SAMD5: variants seen among roughly 807,000 people sequenced by gnomAD.
SAMD5 encodes the protein sterile alpha motif domain containing 5.
Under a neutral mutation model 11.3 loss-of-function variants are expected in SAMD5, and 13 were observed. That is an observed-to-expected ratio of 1.15 (90% CI 0.75 to 1.83). The LOEUF is 1.83. SAMD5 is among the 40% of genes most tolerant of loss of function. The pLI is 0.00. For missense variants in SAMD5, 255 were observed against 239.1 expected (o/e 1.07, Z -0.44); for synonymous variants, 129 against 111.3 (o/e 1.16, Z -1.00).
the SAMD5 span, among the ~76,000 whole-genome samples, chr6:147,923,948 A>T: frequency 6.6e-6 from 1 of 152,206 alleles, no homozygotes; most frequent in East Asian, 1.9e-4. Flanking sequence ...GTTTGACTGA[A>T]TCTTCTCTAT....
chr6:147,709,981 A>G (rs781648193), intron 1 of SAMD5, among the ~76,000 whole-genome samples: 1 of 152,170 alleles, frequency 6.6e-6, no homozygotes, highest in African/African-American at 2.4e-5. Flanking sequence ...TCAATCCCTC[A>G]GTGAGGTCTA....
intron 1 of SAMD5, among the ~76,000 whole-genome samples, chr6:147,651,793 G>T (rs1012111675): frequency 6.6e-6 from 1 of 152,220 alleles, no homozygotes; most frequent in Admixed American, 6.5e-5. Flanking sequence ...ATCAGAGCAA[G>T]AATTATCAGA....
At chr6:147,524,643 T>TTC (rs1175731952) in intron 1 of SAMD5, among the ~76,000 whole-genome samples, 1 of 152,112 alleles carries the variant, frequency 6.6e-6, no homozygotes, top group African/African-American at 2.4e-5. Context: ...ACCTACCTCC[T>TTC]TCTCCCTGTG....
At chr6:147,676,440 A>T (rs556677561) in intron 1 of SAMD5, among the ~76,000 whole-genome samples, 5 of 152,318 alleles carry the variant, frequency 3.3e-5, no homozygotes, top group South Asian at 2.1e-4. Context: ...CCCAACTCTC[A>T]GCACTCATTA....
At chr6:147,859,552 G>C in the SAMD5 span, among the ~76,000 whole-genome samples, 1 of 152,132 alleles carries the variant, frequency 6.6e-6, no homozygotes, top group African/African-American at 2.4e-5. Flanking sequence ...AACATTAGTG[G>C]CTAAAAGATA....
rs1018699892 is a variant in SAMD5 at position 147,566,447 on chromosome 6, T to A, written c.*1991T>A. 2 of 985,138 alleles carry A rather than the reference T, an allele frequency of 2.0e-6. No individual in the cohort carries two copies. Among genetic ancestry groups the A allele is most frequent in the Non-Finnish European group, 2.4e-6 (2 of 829,362 alleles). The allele number at this position is 985,138 out of a possible 1,614,324, so 61.0% of individuals were successfully genotyped here. A position where few individuals can be genotyped will look rare whatever the true frequency, so the allele number is the denominator to read the frequency against. On this transcript the variant is annotated 3_prime_UTR_variant, in exon 2 of 2. Transcript: ENST00000367474. Reference sequence around the variant, plus strand: ...GGTGTCGCATCCGTGGCTGATTTATTTCACAGATGTACATTTGCATGTACT... The same window carrying A: ...GGTGTCGCATCCGTGGCTGATTTATATCACAGATGTACATTTGCATGTACT...
the SAMD5 span, among the ~76,000 whole-genome samples, chr6:147,950,821 A>G: frequency 6.6e-6 from 1 of 152,122 alleles, no homozygotes; most frequent in Non-Finnish European, 1.5e-5. Flanking sequence ...GCTCTCAGCC[A>G]AATTTCACAA....
the SAMD5 span, among the ~76,000 whole-genome samples, chr6:147,928,524 AT>A: frequency 6.6e-6 from 1 of 151,772 alleles, no homozygotes; most frequent in Non-Finnish European, 1.5e-5. Context: ...CTTCTTTGTC[AT>A]TTCTATTTGT....
chr6:147,792,854 G>A, the SAMD5 span, among the ~76,000 whole-genome samples: 1 of 152,078 alleles, frequency 6.6e-6, no homozygotes, highest in African/African-American at 2.4e-5. Context: ...ATTTGAATAA[G>A]AAAATAAAGT....
chr6:147,576,928 A>G (rs1208653381), intron 1 of SAMD5, among the ~76,000 whole-genome samples: 1 of 152,214 alleles, frequency 6.6e-6, no homozygotes, highest in South Asian at 2.1e-4. Context: ...AGCCTTACAG[A>G]TTCTAAGAGG....
At chr6:147,869,473 G>C in the SAMD5 span, among the ~76,000 whole-genome samples, 786 of 152,290 alleles carry the variant, frequency 5.2e-3, 3 homozygotes, top group Non-Finnish European at 9.1e-3. Flanking sequence ...GAATGGAATG[G>C]GGGAAAATGG....
At chr6:147,617,803 T>C (rs1789895071) in intron 1 of SAMD5, among the ~76,000 whole-genome samples, 1 of 152,230 alleles carries the variant, frequency 6.6e-6, no homozygotes, top group Non-Finnish European at 1.5e-5. Flanking sequence ...TGTCTGTGAC[T>C]GACAGATGCC....
At chr6:147,685,036 G>A (rs1196169992) in intron 1 of SAMD5, among the ~76,000 whole-genome samples, 1 of 152,130 alleles carries the variant, frequency 6.6e-6, no homozygotes, top group East Asian at 1.9e-4. Context: ...GATAGGGCTT[G>A]CCTTCTCATT....
At chr6:147,548,158 A>G (rs1395869483) in intron 1 of SAMD5, among the ~76,000 whole-genome samples, 1 of 152,256 alleles carries the variant, frequency 6.6e-6, no homozygotes, top group Non-Finnish European at 1.5e-5. Flanking sequence ...GGGAGTGGGA[A>G]GTAGAGAGAC....
chr6:147,786,698 C>T, the SAMD5 span, among the ~76,000 whole-genome samples: 1,840 of 152,306 alleles, frequency 0.012, 17 homozygotes, highest in Non-Finnish European at 0.019. Flanking sequence ...TCCTAAATTA[C>T]AGGAGTTGGG....
chr6:147,778,163 G>T, the SAMD5 span, among the ~76,000 whole-genome samples: 1 of 152,314 alleles, frequency 6.6e-6, no homozygotes, highest in East Asian at 1.9e-4. Context: ...CCCAGAGGGT[G>T]TGGGGTTCTC....
At chr6:147,746,213 T>G in the SAMD5 span, among the ~76,000 whole-genome samples, 1 of 152,144 alleles carries the variant, frequency 6.6e-6, no homozygotes, top group East Asian at 1.9e-4. Context: ...AGAATGAATG[T>G]TTAGAACTGT....
rs1040252441 is a variant in SAMD5 at position 147,567,170 on chromosome 6, C to A, written c.*2714C>A. The stretch of plus-strand genomic sequence containing the variant: ...AAGATTTTATTCACATAAAAGATTT[C>A]TTGGCATAGGGAAGGCGTAATGTTA... On this transcript the variant is annotated 3_prime_UTR_variant, in exon 2 of 2. Coordinates refer to ENST00000367474, the MANE Select transcript of SAMD5 (RefSeq NM_001030060.3). The A allele has an allele frequency of 9.1e-6, 9 of 985,182 alleles. No homozygotes were observed. The African/African-American group carries it at 1.6e-4, about 17-fold the overall frequency. 61.0% of individuals were successfully genotyped at this position (985,182 alleles called of 1,614,324 possible).
the SAMD5 span, among the ~76,000 whole-genome samples, chr6:147,807,932 C>G: frequency 5.9e-5 from 9 of 152,270 alleles, no homozygotes; most frequent in African/African-American, 2.2e-4. Context: ...AATCGTAATA[C>G]ATTTTTATCA....
Sources: allele counts gnomAD v4.1 joint callset (sites outside exome capture counted in the v4.1 genomes callset), GRCh38; gene constraint gnomAD v4.1.1; transcripts MANE v1.5; gene names NCBI Gene and HGNC (gene_info 2026-07-23, HGNC 2026-07-21).